AKAP10: variants seen among roughly 807,000 people sequenced by gnomAD.
The protein encoded by AKAP10 is A-kinase anchor protein 10, mitochondrial.
Under a neutral mutation model 80.8 loss-of-function variants are expected in AKAP10, and 24 were observed. That is an observed-to-expected ratio of 0.30 (90% CI 0.22 to 0.42). The LOEUF is 0.42. Among genes scored for constraint, AKAP10 ranks in the 10% least tolerant of loss-of-function variants. AKAP10 has a pLI of 1.00. For synonymous variants in AKAP10, 291 were observed against 277.7 expected (o/e 1.05, Z -0.48); for missense variants, 661 against 794.9 (o/e 0.83, Z 2.03).
intron 2 of AKAP10, among the ~76,000 whole-genome samples, chr17:19,964,399 C>T (rs1404967994): frequency 6.6e-6 from 1 of 152,166 alleles, no homozygotes; most frequent in Non-Finnish European, 1.5e-5. Context: ...TCATTGCTCT[C>T]ATTCTTTTAA....
At chr17:19,951,142 G>A (rs1208475571) in intron 4 of AKAP10, among the ~76,000 whole-genome samples, 1 of 97,216 alleles carries the variant, frequency 1.0e-5, no homozygotes, top group Non-Finnish European at 2.5e-5. Context: ...GGAGGTGGGG[G>A]GCAGCCCCCG....
At chr17:19,963,098 G>A in intron 2 of AKAP10, 76 bp from the exon 3 acceptor site, 2 of 1,261,046 alleles carry the variant, frequency 1.6e-6, no homozygotes, top group Admixed American at 2.6e-5. Flanking sequence ...GGCTTTCAGA[G>A]AACTTTAAAA....
At position 19,954,063 on chromosome 17, in the gene AKAP10, T is replaced by C. The variant is rs113094939; in HGVS notation, c.877+3951A>G. Reference sequence around the variant, plus strand: ...CAAAAAACAAAACCCTAGGCCCAGATGGCATCACTTCCCAATTCAACCAAA... The same window carrying C: ...CAAAAAACAAAACCCTAGGCCCAGACGGCATCACTTCCCAATTCAACCAAA... On this transcript the variant is annotated intron_variant, in intron 4 of 14. Coordinates refer to ENST00000225737, the MANE Select transcript of AKAP10 (RefSeq NM_007202.4). Among the ~76,000 whole-genome samples the C allele has an allele frequency of 6.4e-3, 973 of 152,212 alleles. 4 individuals are homozygous for C. The highest frequency in any genetic ancestry group is 0.017 in the African/African-American group (726 of 41,536).
intron 2 of AKAP10, among the ~76,000 whole-genome samples, chr17:19,967,567 CA>C (rs1239173098): frequency 6.6e-6 from 1 of 152,148 alleles, no homozygotes; most frequent in South Asian, 2.1e-4. Flanking sequence ...CTAGGATAGC[CA>C]ATACACACAA....
chr17:19,964,314 T>TA (rs1379667903), intron 2 of AKAP10, among the ~76,000 whole-genome samples: 1 of 152,192 alleles, frequency 6.6e-6, no homozygotes, highest in Non-Finnish European at 1.5e-5. Context: ...AACTTATTTT[T>TA]ACCACTCCTT....
chr17:19,945,090 C>T (rs1166524521), intron 5 of AKAP10, among the ~76,000 whole-genome samples: 1 of 152,124 alleles, frequency 6.6e-6, no homozygotes, highest in Non-Finnish European at 1.5e-5. Flanking sequence ...AATTAACATC[C>T]TAAAATATAT....
chr17:19,925,387 C>G (rs1216214631), intron 10 of AKAP10, among the ~76,000 whole-genome samples: 1 of 152,050 alleles, frequency 6.6e-6, no homozygotes, highest in Non-Finnish European at 1.5e-5. Flanking sequence ...CAAAAAGAAG[C>G]TAAGGAAACC....
In AKAP10 at chr17:19,937,046, C is replaced by T. The variant is rs142438164; in HGVS notation, c.1323-616G>A. Among the ~76,000 whole-genome samples, 228 of 150,262 alleles carry T rather than the reference C, an allele frequency of 1.5e-3. 2 individuals carry two copies. The highest frequency in any genetic ancestry group is 5.2e-3 in the African/African-American group (214 of 40,770). ...ATTTCTACCTTGATGGGGTATAATG[C>T]AGGTAATGTTTTGGTAAGCTGATTA... is the stretch of plus-strand genomic sequence containing the variant. On this transcript the variant is annotated intron_variant, in intron 8 of 14. Transcript: ENST00000225737.
chr17:19,932,067 T>C (rs1339837378), intron 9 of AKAP10, 89 bp from the exon 10 acceptor site: 1 of 1,201,402 alleles, frequency 8.3e-7, no homozygotes, highest in Non-Finnish European at 1.1e-6. Flanking sequence ...ATAATTCTAC[T>C]GGTTACAAAT....
At chr17:19,917,912 G>A (rs1269038230) in intron 12 of AKAP10, among the ~76,000 whole-genome samples, 6 of 149,612 alleles carry the variant, frequency 4.0e-5, no homozygotes, top group African/African-American at 1.2e-4. Flanking sequence ...CCTCCCACCC[G>A]ACAAAAAAAA....
chr17:19,936,477 A>G (rs2042993948), intron 8 of AKAP10, 47 bp from the exon 9 acceptor site: 2 of 1,556,130 alleles, frequency 1.3e-6, no homozygotes, highest in African/African-American at 1.4e-5. Flanking sequence ...CATAGCAAGT[A>G]TAAGCAACTT....
chr17:19,968,447 G>C lies in AKAP10; in HGVS notation c.103C>G (p.Gln35Glu). 6.2e-7 allele frequency: 1 copy of C among 1,613,706 alleles called. No homozygotes were observed. Among genetic ancestry groups the C allele is most frequent in the Non-Finnish European group, 8.5e-7 (1 of 1,179,784 alleles). ...GACTTCACATCTGAGGTCTTCTCTT[G>C]TTCTTTGCCTTTCACTAGAACATAA... ...FFRRKVKGKEQEKTSDVKSIK... is the reference protein window; with the variant it reads ...FFRRKVKGKEEEKTSDVKSIK... Residue 35 changes from glutamine to glutamate, a missense_variant, in exon 2 of 15, where the codon CAA becomes GAA. Coordinates refer to ENST00000225737, the MANE Select transcript of AKAP10 (RefSeq NM_007202.4).
chr17:19,912,932 C>G (rs905012103), intron 12 of AKAP10, among the ~76,000 whole-genome samples: 2 of 151,898 alleles, frequency 1.3e-5, no homozygotes, highest in Admixed American at 6.6e-5. Flanking sequence ...CTGTGTGATT[C>G]CTAACAAATC....
chr17:19,940,713 T>C (rs1462465621), intron 7 of AKAP10, among the ~76,000 whole-genome samples, 174 bp downstream of exon 7: 1 of 152,212 alleles, frequency 6.6e-6, no homozygotes, highest in Non-Finnish European at 1.5e-5. Context: ...ATTTTCATGT[T>C]CTCTCTAATA....
intron 4 of AKAP10, among the ~76,000 whole-genome samples, chr17:19,957,803 T>A (rs2043296879): frequency 6.6e-6 from 1 of 152,170 alleles, no homozygotes; most frequent in South Asian, 2.1e-4. Flanking sequence ...CTAATTCTGA[T>A]AACACACTTC....
At chr17:19,907,585 T>G (rs192262054) in intron 14 of AKAP10, among the ~76,000 whole-genome samples, 117 of 150,918 alleles carry the variant, frequency 7.8e-4, no homozygotes, top group African/African-American at 2.7e-3. Context: ...GCCCAGCTAA[T>G]TTTTTTGTAT....
intron 1 of AKAP10, among the ~76,000 whole-genome samples, chr17:19,976,807 G>A (rs9893296): frequency 0.07 from 10,650 of 152,152 alleles, 1,049 homozygotes; most frequent in African/African-American, 0.22. Flanking sequence ...GTGAGCCACC[G>A]CGCCCGGCCT....
intron 8 of AKAP10, among the ~76,000 whole-genome samples, chr17:19,938,746 T>C (rs960696720): frequency 1.3e-4 from 20 of 151,968 alleles, no homozygotes; most frequent in African/African-American, 4.6e-4. Context: ...TTTTTTTTTT[T>C]TGGAGACAGG....
intron 11 of AKAP10, among the ~76,000 whole-genome samples, chr17:19,920,887 C>CAAAAAAAAAAAAAAAAAAAAAAAA (rs2042805303): frequency 7.5e-5 from 5 of 66,880 alleles, no homozygotes; most frequent in African/African-American, 3.1e-4. Flanking sequence ...AAAAAAAAAG[C>CAAAAAAAAAAAAAAAAAAAAAAAA]AAAAAATACA....
Sources: gnomAD v4.1 joint callset for allele counts (sites outside exome capture counted in the v4.1 genomes callset) on GRCh38, gnomAD v4.1.1 for gene constraint, MANE v1.5 for transcripts, NCBI Gene and HGNC (gene_info 2026-07-23, HGNC 2026-07-21) for gene names.